Variants in CPQ observed in about 807,000 individuals in gnomAD.
CPQ encodes carboxypeptidase Q, also known as Ser-Met dipeptidase.
CPQ carries 37 observed loss-of-function variants against 45.7 expected under a neutral mutation model. That is an observed-to-expected ratio of 0.81 (90% CI 0.62 to 1.07). The LOEUF (loss-of-function observed/expected upper bound fraction) is 1.07, where lower values mean the gene tolerates loss of function less well. CPQ is among the 50% of genes least tolerant of loss of function. CPQ has a pLI of 0.00. For synonymous variants in CPQ, 186 were observed against 205.8 expected (o/e 0.90, Z 0.82); for missense variants, 537 against 572.9 (o/e 0.94, Z 0.64).
intron 5 of CPQ, among the ~76,000 whole-genome samples, chr8:96,985,269 G>GTT (rs35640819): frequency 2.0e-5 from 3 of 147,268 alleles, no homozygotes; most frequent in Non-Finnish European, 4.5e-5. Flanking sequence ...GAGCTCTTAT[G>GTT]TTTTTTTTTT....
intron 1 of CPQ, among the ~76,000 whole-genome samples, chr8:96,721,936 T>G (rs2130763405): frequency 6.6e-6 from 1 of 152,340 alleles, no homozygotes; most frequent in South Asian, 2.1e-4. Flanking sequence ...GGCTAACTCT[T>G]GCTAATCCTT....
intron 4 of CPQ, among the ~76,000 whole-genome samples, chr8:96,911,212 A>G (rs1812658356): frequency 6.6e-6 from 1 of 152,192 alleles, no homozygotes; most frequent in African/African-American, 2.4e-5. Flanking sequence ...TTACAAAACA[A>G]AACAAAACAT....
chr8:97,088,869 TA>T (rs1436603034), intron 7 of CPQ, among the ~76,000 whole-genome samples: 3 of 152,098 alleles, frequency 2.0e-5, no homozygotes, highest in Non-Finnish European at 4.4e-5. Context: ...AGAAAAGAAA[TA>T]GATTGCCTGT....
intron 5 of CPQ, among the ~76,000 whole-genome samples, chr8:97,025,712 T>C (rs1809788425): frequency 6.6e-6 from 1 of 152,234 alleles, no homozygotes; most frequent in Non-Finnish European, 1.5e-5. Flanking sequence ...CTTTGTTTTG[T>C]TACTATCATT....
chr8:96,738,182 G>A (rs982303015), intron 1 of CPQ, among the ~76,000 whole-genome samples: 2 of 152,002 alleles, frequency 1.3e-5, no homozygotes, highest in Non-Finnish European at 2.9e-5. Flanking sequence ...AAAAGAATGT[G>A]TATTCTCAAG....
At chr8:96,807,916 A>C (rs1364740921) in intron 2 of CPQ, among the ~76,000 whole-genome samples, 2 of 152,176 alleles carry the variant, frequency 1.3e-5, no homozygotes, top group Non-Finnish European at 2.9e-5. Flanking sequence ...CAAACAGTTG[A>C]ATATGTTAAG....
chr8:97,094,151 G>A (rs1245621010), intron 7 of CPQ, among the ~76,000 whole-genome samples: 1 of 152,024 alleles, frequency 6.6e-6, no homozygotes, highest in East Asian at 1.9e-4. Flanking sequence ...AAACACTTTT[G>A]TGTTTGATTC....
chr8:97,090,440 T>C (rs1811108391), intron 7 of CPQ, among the ~76,000 whole-genome samples: 1 of 152,210 alleles, frequency 6.6e-6, no homozygotes, highest in Admixed American at 6.5e-5. Flanking sequence ...CCATTTTAGA[T>C]GATAGCTTGT....
intron 1 of CPQ, among the ~76,000 whole-genome samples, chr8:96,654,711 A>G (rs1438203904): frequency 6.6e-6 from 1 of 152,242 alleles, no homozygotes; most frequent in East Asian, 1.9e-4. Flanking sequence ...TCAGAGAAAA[A>G]GCATCAGTGG....
intron 4 of CPQ, among the ~76,000 whole-genome samples, chr8:96,896,512 A>G (rs901125826): frequency 6.6e-6 from 1 of 151,636 alleles, no homozygotes; most frequent in Non-Finnish European, 1.5e-5. Context: ...AATCTTACCT[A>G]CTCAGTCTTT....
At chr8:96,740,690 C>A (rs1322824464) in intron 1 of CPQ, among the ~76,000 whole-genome samples, 3 of 151,736 alleles carry the variant, frequency 2.0e-5, no homozygotes, top group Non-Finnish European at 4.4e-5. Flanking sequence ...TGAATTTTGT[C>A]AAAGGCCTTT....
chr8:97,123,898 C>T (rs181618383), intron 7 of CPQ, among the ~76,000 whole-genome samples: 3 of 152,148 alleles, frequency 2.0e-5, no homozygotes, highest in Admixed American at 6.5e-5. Context: ...AAATAGAGAA[C>T]ATTATTAGAG....
At chr8:96,954,280 CA>C (rs757457861) in intron 4 of CPQ, among the ~76,000 whole-genome samples, 1 of 151,850 alleles carries the variant, frequency 6.6e-6, no homozygotes, top group Non-Finnish European at 1.5e-5. Flanking sequence ...AGGTTTTCCA[CA>C]GGTTGTGATT....
intron 3 of CPQ, among the ~76,000 whole-genome samples, chr8:96,868,500 T>C (rs1055369608): frequency 9.2e-5 from 14 of 152,054 alleles, no homozygotes; most frequent in Admixed American, 5.2e-4. Context: ...ATCATATACA[T>C]ACATAAACAC....
At chr8:96,864,786 C>T (rs1811975660) in intron 3 of CPQ, among the ~76,000 whole-genome samples, 1 of 151,928 alleles carries the variant, frequency 6.6e-6, no homozygotes, top group African/African-American at 2.4e-5. Flanking sequence ...GGGAAATAAG[C>T]ACCAATAGCT....
chr8:96,743,798 G>T (rs1355213331), intron 1 of CPQ, among the ~76,000 whole-genome samples: 1 of 152,228 alleles, frequency 6.6e-6, no homozygotes, highest in Non-Finnish European at 1.5e-5. Flanking sequence ...AGGGGTCAGG[G>T]GTCAGGGACC....
At chr8:97,133,234 A>T (rs1264358190) in intron 7 of CPQ, 4 of 152,200 alleles carry the variant, frequency 2.6e-5, no homozygotes. Context: ...AAATACATAT[A>T]TGTAATTTAT....
chr8:97,104,336 A>C (rs1811365172), intron 7 of CPQ, among the ~76,000 whole-genome samples: 1 of 152,156 alleles, frequency 6.6e-6, no homozygotes, highest in African/African-American at 2.4e-5. Flanking sequence ...TTAGTTTCTC[A>C]TGTCCTTTGG....
At position 97,121,521 on chromosome 8, in the gene CPQ, A is replaced by G. The variant is rs1163758638; in HGVS notation, c.1256-21499A>G. Among the ~76,000 whole-genome samples, 3 of 152,240 alleles carry G rather than the reference A, an allele frequency of 2.0e-5. No individual in the cohort carries two copies. The East Asian group carries it at 5.8e-4, about 29-fold the overall frequency. Reference sequence around the variant, plus strand: ...AACAAGACTTGAAAGGATCAAGTACATCTAGAGCTGCCAAAACAATAGCCA... The same window carrying G: ...AACAAGACTTGAAAGGATCAAGTACGTCTAGAGCTGCCAAAACAATAGCCA... On this transcript the variant is annotated intron_variant, in intron 7 of 7. Transcript: ENST00000220763.
Sources: allele counts gnomAD v4.1 joint callset (sites outside exome capture counted in the v4.1 genomes callset), GRCh38; gene constraint gnomAD v4.1.1; transcripts MANE v1.5; gene names NCBI Gene and HGNC (gene_info 2026-07-23, HGNC 2026-07-21).